GLB1L3: variants seen among roughly 807,000 people sequenced by gnomAD.
GLB1L3 encodes the protein galactosidase beta 1 like 3, also known as beta-galactosidase-1-like protein 3.
Under a neutral mutation model 89.5 loss-of-function variants are expected in GLB1L3, and 89 were observed. That is an observed-to-expected ratio of 0.99 (90% confidence interval 0.84 to 1.19). The LOEUF (loss-of-function observed/expected upper bound fraction) is 1.19. Ranked by LOEUF, GLB1L3 falls within the 50% of genes most tolerant of loss-of-function variation. GLB1L3 has a pLI of 0.00. For synonymous variants in GLB1L3, 314 were observed against 312.3 expected (o/e 1.01, Z -0.06); for missense variants, 812 against 813.3 (o/e 1.00, Z 0.02).
chr11:134,277,304 C>A (rs769226039), intron 1 of GLB1L3, 22 bp from the exon 2 acceptor site: 2 of 1,613,796 alleles, frequency 1.2e-6, no homozygotes, highest in Non-Finnish European at 1.7e-6. Context: ...CCCCTTGTCA[C>A]TGTTGTCCTT....
chr11:134,276,834 C>T, intron 1 of GLB1L3, 71 bp downstream of exon 1: 9 of 1,262,548 alleles, frequency 7.1e-6, no homozygotes, highest in Non-Finnish European at 9.1e-6. Flanking sequence ...CCACCCTCCC[C>T]GGGTTCTGTG....
chr11:134,298,507 G>T (rs1271046179), intron 9 of GLB1L3, among the ~76,000 whole-genome samples: 1 of 152,116 alleles, frequency 6.6e-6, no homozygotes, highest in Non-Finnish European at 1.5e-5. Flanking sequence ...ATCTCAACTT[G>T]AATTGTGTCT....
Position 134,319,293 on chromosome 11 carries a change from T to A in GLB1L3, c.*351T>A, listed in dbSNP as rs78804547. The A allele has an allele frequency of 4.6e-4, 95 of 208,012 alleles. No homozygotes were observed. Among genetic ancestry groups the A allele is most frequent in the African/African-American group, 2.1e-3 (90 of 42,952 alleles). 12.9% of individuals were successfully genotyped at this position (208,012 alleles called of 1,614,324 possible). On this transcript the variant is annotated 3_prime_UTR_variant, in exon 20 of 20. Coordinates refer to ENST00000431683, the MANE Select transcript of GLB1L3 (RefSeq NM_001080407.3). ...TGGGTTGCTGGAGTTCATCTATAAG[T>A]CATTTTTGAGGAATAAGATTTATGT... is the stretch of plus-strand genomic sequence containing the variant.
Position 134,318,705 on chromosome 11 carries a change from A to C in GLB1L3, c.1854A>C (p.Thr618=), listed in dbSNP as rs1312591187. Residue 618 remains threonine, a synonymous_variant, in exon 19 of 20, where the codon ACA becomes ACC. Transcript: ENST00000431683. ...ATTGGAATATTGGGCCTCAGAAAAC[A>C]CTGTACCTTCCTGGAGTTTGGCTTC... ...GRYWNIGPQK[T]LYLPGVWLHP... is the part of the protein sequence containing the mutation. 1 of 1,612,898 alleles carries C rather than the reference A, an allele frequency of 6.2e-7. No individual in the cohort carries two copies. Among genetic ancestry groups the C allele is most frequent in the Non-Finnish European group, 8.5e-7 (1 of 1,179,310 alleles).
chr11:134,314,142 C>T (rs1357637778), intron 17 of GLB1L3, 114 bp downstream of exon 17: 1 of 804,930 alleles, frequency 1.2e-6, no homozygotes, highest in Non-Finnish European at 2.1e-6. Flanking sequence ...GTACTCCAGG[C>T]TGTTGGGTAC....
intron 11 of GLB1L3, chr11:134,310,074 G>A (rs537856929): frequency 2.0e-5 from 9 of 442,064 alleles, no homozygotes; most frequent in Admixed American, 1.1e-4. Context: ...AGACCTGCAC[G>A]GCCGGGCGAT....
chr11:134,320,806 C>T (rs989557061), downstream of GLB1L3, among the ~76,000 whole-genome samples: 3 of 151,998 alleles, frequency 2.0e-5, no homozygotes, highest in Non-Finnish European at 4.4e-5. Context: ...TCAAAAGATC[C>T]CCACTAAATG....
At chr11:134,312,921 AC>A (rs775434473) in intron 15 of GLB1L3, 34 bp downstream of exon 15, 3 of 1,408,464 alleles carry the variant, frequency 2.1e-6, no homozygotes, top group Non-Finnish European at 3.0e-6. Context: ...GATGCCCTCG[AC>A]CCCCCTCAAA....
chr11:134,299,786 A>AG (rs1323188636), intron 9 of GLB1L3, among the ~76,000 whole-genome samples: 2 of 152,074 alleles, frequency 1.3e-5, no homozygotes, highest in Non-Finnish European at 1.5e-5. Flanking sequence ...TGTGGGTCTG[A>AG]GGGGTGTGGC....
rs1340694075 is a variant in GLB1L3 at position 134,309,575 on chromosome 11, G to A, written c.962-51G>A. On this transcript the variant is annotated intron_variant, in intron 10 of 19. Transcript: ENST00000431683. The stretch of plus-strand genomic sequence containing the variant: ...GGATAAGAGTTTGCCAGAGGCTTCT[G>A]TCTCCTCTTAATTTCTAACATTCTC... 26 of 1,465,264 alleles carry A rather than the reference G, an allele frequency of 1.8e-5. No individual in the cohort carries two copies. In the Middle Eastern group the frequency reaches 6.0e-4, roughly 34 times the overall value. The allele number at this position is 1,465,264 out of a possible 1,614,324, so 90.8% of individuals were successfully genotyped here.
downstream of GLB1L3, among the ~76,000 whole-genome samples, chr11:134,322,624 CTG>C (rs1269582431): frequency 6.6e-6 from 1 of 152,180 alleles, no homozygotes; most frequent in Non-Finnish European, 1.5e-5. Context: ...CTTTCTGTCT[CTG>C]TGGATTTGCC....
chr11:134,308,915 T>C (rs1456831507), intron 10 of GLB1L3, among the ~76,000 whole-genome samples: 1 of 152,202 alleles, frequency 6.6e-6, no homozygotes, highest in Admixed American at 6.5e-5. Context: ...TCTAAATGAC[T>C]TTTAACCTTC....
chr11:134,308,506 C>CACCACCACCACCAAAT (rs1942494815), intron 10 of GLB1L3, among the ~76,000 whole-genome samples: 4 of 47,096 alleles, frequency 8.5e-5, no homozygotes, highest in African/African-American at 1.6e-4. Context: ...CAAATACCAC[C>CACCACCACCACCAAAT]ACCACCACCA....
chr11:134,322,987 A>T (rs1943184658), downstream of GLB1L3, among the ~76,000 whole-genome samples: 1 of 152,180 alleles, frequency 6.6e-6, no homozygotes, highest in African/African-American at 2.4e-5. Flanking sequence ...TCCATAAAGC[A>T]TTAAACTGTT....
chr11:134,279,183 G>T (rs1414743811), intron 3 of GLB1L3, among the ~76,000 whole-genome samples: 2 of 152,036 alleles, frequency 1.3e-5, no homozygotes, highest in African/African-American at 4.8e-5. Context: ...TACCCTGAAA[G>T]TTTCTTAAGA....
Position 134,307,161 on chromosome 11 carries a change from G to A in GLB1L3, c.914G>A (p.Gly305Asp). The A allele has an allele frequency of 6.2e-7, 1 of 1,613,716 alleles. No homozygotes were observed. The highest frequency in any genetic ancestry group is 2.2e-5 in the East Asian group (1 of 44,868). Residue 305 changes from glycine to aspartate, a missense_variant, in exon 10 of 20, where the codon GGC becomes GAC. Gly to Asp is a moderately conservative substitution (Grantham distance 94, BLOSUM62 -1). This residue lies in a region of GLB1L3 where 618 missense variants were observed against 604.0 expected (regional missense o/e 1.02). Transcript: ENST00000431683. ...KPLLIMEYWV[G>D]WFDRWGDKHH... The stretch of plus-strand genomic sequence containing the variant: ...CTTCTGATTATGGAATACTGGGTCG[G>A]CTGGTTCGACAGATGGGGAGATAAG...
chr11:134,309,226 A>G (rs1202772823), intron 10 of GLB1L3, among the ~76,000 whole-genome samples: 1 of 152,170 alleles, frequency 6.6e-6, no homozygotes, highest in African/African-American at 2.4e-5. Flanking sequence ...GTGTTCAAAA[A>G]TCTCTTGGGA....
At position 134,318,622 on chromosome 11, in the gene GLB1L3, TC is replaced by T; in HGVS notation, c.1780-7del. ...CAATTTCCAAATCTCAAGCCACCAT[TC>T]CTTTCAGAACTGGAATTATGGATTT... On this transcript the variant is annotated splice_region_variant and splice_polypyrimidine_tract_variant and intron_variant, in intron 18 of 19. Coordinates refer to ENST00000431683, the MANE Select transcript of GLB1L3 (RefSeq NM_001080407.3). 1.3e-6 allele frequency: 2 copies of T among 1,557,490 alleles called. No homozygotes were observed. The highest frequency in any genetic ancestry group is 1.8e-6 in the Non-Finnish European group (2 of 1,131,306).
intron 3 of GLB1L3, among the ~76,000 whole-genome samples, chr11:134,278,430 G>A (rs1417139570): frequency 1.3e-5 from 2 of 152,084 alleles, no homozygotes; most frequent in African/African-American, 2.4e-5. Flanking sequence ...GGCCACAGGT[G>A]CATGCCACCA....
Sources: allele counts gnomAD v4.1 joint callset (sites outside exome capture counted in the v4.1 genomes callset), GRCh38; gene constraint gnomAD v4.1.1; regional missense constraint gnomAD v4.1.1; transcripts MANE v1.5; gene names NCBI Gene and HGNC (gene_info 2026-07-23, HGNC 2026-07-21).